Variants in DIPK1A observed in about 807,000 individuals in gnomAD.
The protein encoded by DIPK1A is family with sequence similarity 69 member A.
Under a neutral mutation model 40.8 loss-of-function variants are expected in DIPK1A, and 27 were observed. The ratio of observed to expected loss-of-function variants is 0.66; its 90% CI spans 0.49 to 0.91. The LOEUF (loss-of-function observed/expected upper bound fraction) is 0.91. DIPK1A is among the 40% of genes least tolerant of loss of function. The probability of loss-of-function intolerance (pLI) is 0.00; values close to 1 mark genes in which losing one functional copy is unlikely to be tolerated. For missense variants in DIPK1A, 412 were observed against 505.7 expected (o/e 0.81, Z 1.78); for synonymous variants, 166 against 171.3 (o/e 0.97, Z 0.24).
Position 92,961,330 on chromosome 1 carries a change from C to A in DIPK1A, c.54+46G>T, listed in dbSNP as rs779253085. 4.7e-5 allele frequency: 68 copies of A among 1,435,548 alleles called. 2 individuals are homozygous for A. The East Asian group carries it at 1.9e-3, about 40-fold the overall frequency. 88.9% of individuals were successfully genotyped at this position (1,435,548 alleles called of 1,614,324 possible). Reference sequence around the variant, plus strand: ...GTCCTGCGCGGCGCGGCAGGGCACACGGCCGGGTGCTCCCGCAGCTGGTGG... The same window carrying A: ...GTCCTGCGCGGCGCGGCAGGGCACAAGGCCGGGTGCTCCCGCAGCTGGTGG... On this transcript the variant is annotated intron_variant, in intron 1 of 4. Transcript: ENST00000370310.
At chr1:92,846,829 A>ATG (rs1687632385) in intron 4 of DIPK1A, among the ~76,000 whole-genome samples, 1 of 6,534 alleles carries the variant, frequency 1.5e-4, no homozygotes, top group Non-Finnish European at 2.1e-4. Flanking sequence ...ATATATATAT[A>ATG]TATATATATA....
Position 92,954,401 on chromosome 1 carries a change from A to T in DIPK1A, c.54+6975T>A, listed in dbSNP as rs1199778984. On this transcript the variant is annotated intron_variant, in intron 1 of 4. Coordinates refer to ENST00000370310, the MANE Select transcript of DIPK1A (RefSeq NM_001006605.5). ...TTTTTTTTTTTTTTTGTTTTGAGAC[A>T]GAGTCTCACTCTGTCACCCAGACTG... 4.5e-5 allele frequency among the ~76,000 whole-genome samples: 5 copies of T among 111,888 alleles called. No individual in the cohort carries two copies. In the East Asian group the frequency reaches 1.4e-3, roughly 32 times the overall value. The allele number at this position is 111,888 out of a possible 152,430, so 73.4% of individuals were successfully genotyped here.
chr1:92,845,858 G>A (rs1337390606), intron 4 of DIPK1A, among the ~76,000 whole-genome samples: 1 of 151,382 alleles, frequency 6.6e-6, no homozygotes, highest in African/African-American at 2.4e-5. Context: ...TTAGCCAGGT[G>A]CGGTGGTGCG....
At chr1:92,885,351 A>G (rs980902867) in intron 1 of DIPK1A, among the ~76,000 whole-genome samples, 26 of 152,154 alleles carry the variant, frequency 1.7e-4, no homozygotes, top group Non-Finnish European at 2.9e-4. Context: ...AACAACAACA[A>G]AAATTGGAAA....
Position 92,851,387 on chromosome 1 carries a change from A to T in DIPK1A, c.190-432T>A, listed in dbSNP as rs527958051. ...GGTGAAACCCCATCTCTACTAAAAT[A>T]AAAAAATGAGCCAGGCGTGGTGGCG... On this transcript the variant is annotated intron_variant, in intron 2 of 4. Coordinates refer to ENST00000370310, the MANE Select transcript of DIPK1A (RefSeq NM_001006605.5). 2.8e-3 allele frequency among the ~76,000 whole-genome samples: 427 copies of T among 151,578 alleles called. 6 individuals carry two copies. The South Asian group carries it at 0.034, about 12-fold the overall frequency.
intron 1 of DIPK1A, among the ~76,000 whole-genome samples, chr1:92,957,196 T>G (rs1651886987): frequency 1.3e-5 from 2 of 152,198 alleles, no homozygotes; most frequent in African/African-American, 4.8e-5. Flanking sequence ...AGATCTTAGT[T>G]TGTAGAAAAC....
Position 92,895,576 on chromosome 1 carries a change from T to A in DIPK1A, c.55-19146A>T, listed in dbSNP as rs1036781587. On this transcript the variant is annotated intron_variant, in intron 1 of 4. Transcript: ENST00000370310. ...CTCAATGGGCAAAAATTGGAAGCAT[T>A]CCCTTGAAAACTGGCACAAGACAGG... is the stretch of plus-strand genomic sequence containing the variant. Among the ~76,000 whole-genome samples the A allele has an allele frequency of 1.8e-4, 28 of 152,046 alleles. 1 individual carries two copies. The highest frequency in any genetic ancestry group is 1.5e-5 in the Non-Finnish European group (1 of 68,038).
At chr1:92,919,925 C>T (rs1650206313) in intron 1 of DIPK1A, among the ~76,000 whole-genome samples, 1 of 152,160 alleles carries the variant, frequency 6.6e-6, no homozygotes, top group African/African-American at 2.4e-5. Context: ...TGGAAAACTG[C>T]CATTAATCGA....
At chr1:92,893,212 A>G (rs1648980478) in intron 1 of DIPK1A, among the ~76,000 whole-genome samples, 1 of 149,394 alleles carries the variant, frequency 6.7e-6, no homozygotes, top group Admixed American at 6.7e-5. Flanking sequence ...AGAGTGACCA[A>G]AGTTGAAATG....
intron 4 of DIPK1A, among the ~76,000 whole-genome samples, chr1:92,846,915 A>G (rs539971627): frequency 4.2e-5 from 3 of 71,048 alleles, no homozygotes; most frequent in South Asian, 1.1e-3. Context: ...ATACGTGTAT[A>G]TATATATATA....
At chr1:92,883,454 CTATT>C (rs201336382) in intron 1 of DIPK1A, among the ~76,000 whole-genome samples, 2,721 of 152,276 alleles carry the variant, frequency 0.018, 37 homozygotes, top group Non-Finnish European at 0.026. Flanking sequence ...AAATAACTAT[CTATT>C]TGTCTCTCAT....
chr1:92,889,147 A>G (rs1374416123), intron 1 of DIPK1A, among the ~76,000 whole-genome samples: 1 of 152,156 alleles, frequency 6.6e-6, no homozygotes, highest in Non-Finnish European at 1.5e-5. Flanking sequence ...CATGCCTTCT[A>G]TTCAAGTCTT....
At chr1:92,838,297 G>GT (rs541314497), downstream of DIPK1A, among the ~76,000 whole-genome samples, 305 of 152,292 alleles carry the variant, frequency 2.0e-3, no homozygotes, top group African/African-American at 6.4e-3. Flanking sequence ...AAAAGGAGTA[G>GT]TTTTTTATCA....
chr1:92,851,885 C>T (rs902311472), intron 2 of DIPK1A, among the ~76,000 whole-genome samples: 1 of 152,158 alleles, frequency 6.6e-6, no homozygotes, highest in East Asian at 1.9e-4. Context: ...ATTTAAGGGG[C>T]ACAAGCTGTG....
intron 4 of DIPK1A, chr1:92,836,669 C>A (rs992579144): frequency 2.4e-6 from 1 of 410,358 alleles, no homozygotes; most frequent in Non-Finnish European, 4.5e-6. Context: ...TGACTTAATT[C>A]TTATTAGAAA....
At chr1:92,886,743 A>G (rs1178687537) in intron 1 of DIPK1A, among the ~76,000 whole-genome samples, 3 of 152,124 alleles carry the variant, frequency 2.0e-5, no homozygotes, top group Non-Finnish European at 4.4e-5. Flanking sequence ...TAATCCTCAT[A>G]AAAACTCTAT....
chr1:92,927,361 G>GTTTTT (rs1238581039), intron 1 of DIPK1A, among the ~76,000 whole-genome samples: 2 of 71,580 alleles, frequency 2.8e-5, no homozygotes, highest in Admixed American at 2.0e-4. Context: ...TGCCAATTTT[G>GTTTTT]TTGTTTTTTT....
chr1:92,845,506 T>TAA lies in DIPK1A; in HGVS notation c.475-1312_475-1311insTT, dbSNP rs1491114843. ...CAACATGGTGAAACCGTGTCTATGC[T>TAA]AGAAAAAAAAAAAAAAAAAAAAACC... is the stretch of plus-strand genomic sequence containing the variant. On this transcript the variant is annotated intron_variant, in intron 4 of 4. Transcript: ENST00000370310. 3.3e-4 allele frequency: 61 copies of TAA among 183,986 alleles called. No individual in the cohort carries two copies. In the African/African-American group the frequency reaches 4.9e-3, roughly 15 times the overall value. 11.4% of individuals were successfully genotyped at this position (183,986 alleles called of 1,614,324 possible).
downstream of DIPK1A, among the ~76,000 whole-genome samples, chr1:92,837,961 C>A (rs1687192390): frequency 6.6e-6 from 1 of 152,182 alleles, no homozygotes; most frequent in African/African-American, 2.4e-5. Context: ...CTCTTCATAG[C>A]ATATGTGTGC....
Sources: gnomAD v4.1 joint callset for allele counts (sites outside exome capture counted in the v4.1 genomes callset) on GRCh38, gnomAD v4.1.1 for gene constraint, MANE v1.5 for transcripts, NCBI Gene and HGNC (gene_info 2026-07-23, HGNC 2026-07-21) for gene names.